INVS: variants seen among roughly 807,000 people sequenced by gnomAD.
INVS encodes the protein inversion of embryo turning homolog.
In INVS, 86 loss-of-function variants were observed where a neutral mutation model predicts 108.8. The ratio of observed to expected loss-of-function variants is 0.79; its 90% CI spans 0.66 to 0.95. The LOEUF is 0.95. Among genes scored for constraint, INVS ranks in the 40% least tolerant of loss-of-function variants. The pLI is 0.00. For synonymous variants in INVS, 455 were observed against 473.5 expected (o/e 0.96, Z 0.51); for missense variants, 1,169 against 1,297.4 (o/e 0.90, Z 1.52).
At chr9:100,278,988 G>T (rs1833196765) in intron 12 of INVS, among the ~76,000 whole-genome samples, 1 of 152,172 alleles carries the variant, frequency 6.6e-6, no homozygotes, top group Admixed American at 6.5e-5. Context: ...AAACTTCTTA[G>T]ACTCAAACTG....
At chr9:100,167,216 A>G (rs1464863262) in intron 3 of INVS, among the ~76,000 whole-genome samples, 1 of 150,656 alleles carries the variant, frequency 6.6e-6, no homozygotes, top group Non-Finnish European at 1.5e-5. Flanking sequence ...GCAGAGGGAG[A>G]CTCTATCTCA....
At chr9:100,287,771 C>T (rs762419493) in intron 13 of INVS, among the ~76,000 whole-genome samples, 1 of 152,164 alleles carries the variant, frequency 6.6e-6, no homozygotes, top group Non-Finnish European at 1.5e-5. Flanking sequence ...TCGATTAAAC[C>T]TCTTTTCTTT....
chr9:100,235,789 G>A (rs925876709), intron 5 of INVS, among the ~76,000 whole-genome samples: 10 of 151,984 alleles, frequency 6.6e-5, no homozygotes, highest in East Asian at 1.9e-4. Context: ...TCTGTCTGGC[G>A]CCCCTTAACA....
At chr9:100,141,222 A>G (rs755053876) in intron 3 of INVS, among the ~76,000 whole-genome samples, 11 of 152,346 alleles carry the variant, frequency 7.2e-5, no homozygotes, top group African/African-American at 7.2e-5. Context: ...AAAAAGGAGC[A>G]TCTATACAGG....
chr9:100,145,520 C>T (rs1015701014), intron 3 of INVS, among the ~76,000 whole-genome samples: 1 of 151,554 alleles, frequency 6.6e-6, no homozygotes, highest in Non-Finnish European at 1.5e-5. Flanking sequence ...GGGGTTCTTG[C>T]CCCCTAGAAA....
chr9:100,294,331 G>C (rs1005219206), intron 14 of INVS, among the ~76,000 whole-genome samples: 2 of 152,180 alleles, frequency 1.3e-5, no homozygotes, highest in African/African-American at 4.8e-5. Flanking sequence ...TTGGCAGGGA[G>C]AAAACTAGAT....
In INVS at chr9:100,160,266, A is replaced by G. The variant is rs1339904098; in HGVS notation, c.273+33717A>G. Reference sequence around the variant, plus strand: ...CCATTTAGCACAGTCAGCCGCTGAGACAGGACTGCTAGATAACTACAGAGG... The same window carrying G: ...CCATTTAGCACAGTCAGCCGCTGAGGCAGGACTGCTAGATAACTACAGAGG... On this transcript the variant is annotated intron_variant, in intron 3 of 16. Coordinates refer to ENST00000262457, the MANE Select transcript of INVS (RefSeq NM_014425.5). 2.6e-5 allele frequency among the ~76,000 whole-genome samples: 4 copies of G among 152,242 alleles called. No homozygotes were observed. In the East Asian group the frequency reaches 7.7e-4, roughly 29 times the overall value.
chr9:100,252,357 G>T lies in INVS; in HGVS notation c.1153G>T (p.Ala385Ser). The change falls in exon 9 of 17, where the codon GCT becomes TCT. Residue 385 changes from alanine to serine, a missense_variant. Physicochemically the swap from Ala to Ser is moderately conservative, Grantham distance 99. This residue lies in a region of INVS where 271 missense variants were observed against 363.8 expected (regional missense o/e 0.74). Transcript: ENST00000262457. ...ACTGGAAAATAATGCTCAAGTAGAT[G>T]CTACTGATGTTATGAAACATACTCC... ...LLLENNAQVD[A>S]TDVMKHTPLF... 6.2e-7 allele frequency: 1 copy of T among 1,613,870 alleles called. No homozygotes were observed. Among genetic ancestry groups the T allele is most frequent in the African/African-American group, 1.3e-5 (1 of 75,022 alleles).
At chr9:100,129,151 C>T (rs1424316161) in intron 3 of INVS, among the ~76,000 whole-genome samples, 1 of 150,768 alleles carries the variant, frequency 6.6e-6, no homozygotes, top group Non-Finnish European at 1.5e-5. Context: ...GAGACCCTGT[C>T]TCAAAAAATA....
intron 1 of INVS, among the ~76,000 whole-genome samples, chr9:100,103,193 C>A (rs1827058709): frequency 6.6e-6 from 1 of 151,614 alleles, no homozygotes; most frequent in African/African-American, 2.4e-5. Context: ...AGGGTCTCAA[C>A]CTGTTGCCCA....
At chr9:100,217,051 G>A (rs970817776) in intron 3 of INVS, among the ~76,000 whole-genome samples, 4 of 152,170 alleles carry the variant, frequency 2.6e-5, no homozygotes, top group African/African-American at 9.7e-5. Flanking sequence ...GCTCATGCCT[G>A]TAATCCCAGA....
intron 3 of INVS, among the ~76,000 whole-genome samples, chr9:100,195,509 C>T (rs552346892): frequency 3.9e-4 from 59 of 150,284 alleles, no homozygotes; most frequent in South Asian, 1.3e-3. Flanking sequence ...TTTTTTGAGA[C>T]GGGAGTCTCG....
intron 3 of INVS, among the ~76,000 whole-genome samples, chr9:100,185,263 A>T (rs1830018814): frequency 6.6e-6 from 1 of 151,948 alleles, no homozygotes; most frequent in African/African-American, 2.4e-5. Context: ...GAATGTACAG[A>T]AAAATATACA....
At chr9:100,148,554 C>G (rs371490678) in intron 3 of INVS, among the ~76,000 whole-genome samples, 40 of 152,216 alleles carry the variant, frequency 2.6e-4, no homozygotes, top group African/African-American at 8.4e-4. Context: ...ACAAATTACT[C>G]TAGTGCAAAG....
intron 3 of INVS, among the ~76,000 whole-genome samples, chr9:100,174,943 A>G (rs894075783): frequency 5.9e-5 from 9 of 152,060 alleles, no homozygotes; most frequent in African/African-American, 2.2e-4. Flanking sequence ...TGAAAATACC[A>G]TAATCAAATT....
At chr9:100,105,380 G>A (rs1014092781) in intron 2 of INVS, among the ~76,000 whole-genome samples, 11 of 152,006 alleles carry the variant, frequency 7.2e-5, no homozygotes, top group African/African-American at 1.7e-4. Flanking sequence ...CTGGTGTACC[G>A]TAACCTCTGG....
chr9:100,102,484 A>T (rs1827028683), intron 1 of INVS: 1 of 152,230 alleles, frequency 6.6e-6, no homozygotes, highest in Admixed American at 6.5e-5. Flanking sequence ...TGGTGGACCA[A>T]GGAGAGAACA....
In INVS at chr9:100,239,918, G is replaced by A. The variant is rs1831811137; in HGVS notation, c.616-142G>A. 4 of 743,882 alleles carry A rather than the reference G, an allele frequency of 5.4e-6. No individual in the cohort carries two copies. In the Admixed American group the frequency reaches 8.1e-5, roughly 15 times the overall value. 46.1% of individuals were successfully genotyped at this position (743,882 alleles called of 1,614,324 possible). A position where few individuals can be genotyped will look rare whatever the true frequency, so the allele number is the denominator to read the frequency against. On this transcript the variant is annotated intron_variant, in intron 5 of 16. Transcript: ENST00000262457. The stretch of plus-strand genomic sequence containing the variant: ...CAGGAGTTTGAGGCTGCAGTGAGCT[G>A]TGATCATGCCACTGTACTCCAACCT...
intron 3 of INVS, among the ~76,000 whole-genome samples, chr9:100,224,772 C>T (rs572535831): frequency 6.1e-4 from 93 of 152,106 alleles, no homozygotes; most frequent in African/African-American, 2.1e-3. Context: ...CCTGCCACCA[C>T]GCCTGGCTAA....
Sources: gnomAD v4.1 joint callset for allele counts (sites outside exome capture counted in the v4.1 genomes callset) on GRCh38, gnomAD v4.1.1 for gene constraint, gnomAD v4.1.1 regional missense constraint, MANE v1.5 for transcripts, NCBI Gene and HGNC (gene_info 2026-07-23, HGNC 2026-07-21) for gene names.